The following FOXP1 variants were observed in gnomAD, a reference collection of about 807,000 sequenced individuals.
The protein encoded by FOXP1 is forkhead box protein P1.
A neutral mutation model predicts 98.2 loss-of-function variants in FOXP1; 15 were observed. The ratio of observed to expected loss-of-function variants is 0.15; its 90% CI spans 0.10 to 0.24. The LOEUF (loss-of-function observed/expected upper bound fraction) is 0.24, where lower values mean the gene tolerates loss of function less well. Ranked by LOEUF, FOXP1 falls within the 10% of genes least tolerant of loss-of-function variation. FOXP1 has a pLI of 1.00. For synonymous variants in FOXP1, 371 were observed against 314.5 expected (o/e 1.18, Z -1.90); for missense variants, 633 against 848.5 (o/e 0.75, Z 3.15).
chr3:71,405,931 T>C (rs182265477), intron 3 of FOXP1, among the ~76,000 whole-genome samples: 1 of 151,938 alleles, frequency 6.6e-6, no homozygotes, highest in Non-Finnish European at 1.5e-5. Flanking sequence ...GGTTTCACCA[T>C]GTTGGGCAGG....
At chr3:71,332,101 A>G (rs2076359169) in intron 4 of FOXP1, 1 of 152,238 alleles carries the variant, frequency 6.6e-6, no homozygotes, top group Non-Finnish European at 1.5e-5. Flanking sequence ...CCCCTTCCAT[A>G]CTGTGGAAGC....
At chr3:71,427,399 T>A (rs2084260423) in intron 3 of FOXP1, among the ~76,000 whole-genome samples, 1 of 152,190 alleles carries the variant, frequency 6.6e-6, no homozygotes, top group African/African-American at 2.4e-5. Flanking sequence ...AGGGTCTGGC[T>A]GCAGCGAAGG....
intron 5 of FOXP1, among the ~76,000 whole-genome samples, chr3:71,272,896 G>C (rs1286780665): frequency 6.6e-6 from 1 of 152,082 alleles, no homozygotes; most frequent in Non-Finnish European, 1.5e-5. Context: ...TCTGGACCTG[G>C]AGGCAACCAT....
chr3:70,983,435 C>A (rs78200137), intron 14 of FOXP1, among the ~76,000 whole-genome samples: 3 of 152,064 alleles, frequency 2.0e-5, no homozygotes, highest in Non-Finnish European at 4.4e-5. Flanking sequence ...GTTAAAAGAC[C>A]CTTTCTTTTC....
chr3:71,054,703 C>T (rs1183106854), intron 7 of FOXP1, among the ~76,000 whole-genome samples: 6 of 151,948 alleles, frequency 3.9e-5, no homozygotes, highest in Non-Finnish European at 7.4e-5. Flanking sequence ...TGTCAGTCCC[C>T]GTAATGCAAG....
chr3:71,286,409 T>A (rs1259571042), intron 5 of FOXP1, among the ~76,000 whole-genome samples: 2 of 147,958 alleles, frequency 1.4e-5, no homozygotes, highest in African/African-American at 2.5e-5. Context: ...AGTAACTATA[T>A]CACTGAGGTA....
chr3:71,416,547 AAC>A (rs55710900), intron 3 of FOXP1, among the ~76,000 whole-genome samples: 7,358 of 136,686 alleles, frequency 0.054, 198 homozygotes, highest in African/African-American at 0.082. Flanking sequence ...TCTGTCTCAA[AAC>A]ACACACACAC....
intron 20 of FOXP1, among the ~76,000 whole-genome samples, chr3:70,963,034 G>C (rs1191256088): frequency 6.6e-6 from 1 of 152,154 alleles, no homozygotes; most frequent in Non-Finnish European, 1.5e-5. Flanking sequence ...AAAATATGTA[G>C]TTACGAGGTA....
chr3:71,257,105 T>C (rs2068690200), intron 5 of FOXP1, among the ~76,000 whole-genome samples: 1 of 152,216 alleles, frequency 6.6e-6, no homozygotes, highest in Non-Finnish European at 1.5e-5. Flanking sequence ...AAGCTGAGTT[T>C]ATTGAACTCT....
intron 4 of FOXP1, among the ~76,000 whole-genome samples, chr3:71,353,881 GA>G (rs1176132558): frequency 6.6e-6 from 1 of 152,164 alleles, no homozygotes; most frequent in East Asian, 1.9e-4. Flanking sequence ...GCAGGTGGAA[GA>G]AATTGGTGTT....
At chr3:71,212,525 T>G (rs555172071) in intron 5 of FOXP1, among the ~76,000 whole-genome samples, 1 of 152,300 alleles carries the variant, frequency 6.6e-6, no homozygotes, top group South Asian at 2.1e-4. Context: ...TAAAAACCAG[T>G]AGCTCCAACA....
chr3:71,018,161 C>G (rs192682035), intron 11 of FOXP1, among the ~76,000 whole-genome samples: 128 of 152,190 alleles, frequency 8.4e-4, no homozygotes, highest in African/African-American at 3.0e-3. Context: ...TTTGCTGTTC[C>G]CCTTCCTGTT....
intron 2 of FOXP1, among the ~76,000 whole-genome samples, chr3:71,532,943 A>G (rs1252844103): frequency 6.6e-6 from 1 of 152,220 alleles, no homozygotes; most frequent in Non-Finnish European, 1.5e-5. Context: ...GGAAATAAAC[A>G]TGAGTCATAT....
At chr3:71,535,933 A>G (rs561488636) in intron 2 of FOXP1, among the ~76,000 whole-genome samples, 1 of 152,328 alleles carries the variant, frequency 6.6e-6, no homozygotes. Context: ...GCTCCTAACA[A>G]GAACACTAAG....
chr3:70,988,198 T>C (rs919703916), intron 13 of FOXP1, 121 bp from the exon 14 acceptor site: 61 of 940,618 alleles, frequency 6.5e-5, no homozygotes, highest in Non-Finnish European at 9.5e-5. Flanking sequence ...ATCATTTTCA[T>C]TGCTTGTTTT....
At chr3:70,973,924 A>G (rs902624106) in intron 17 of FOXP1, among the ~76,000 whole-genome samples, 1 of 143,418 alleles carries the variant, frequency 7.0e-6, no homozygotes, top group African/African-American at 2.6e-5. Flanking sequence ...GAATCTTGAT[A>G]CTCTGAGAGG....
chr3:71,503,337 A>C (rs999426621), intron 2 of FOXP1, among the ~76,000 whole-genome samples: 1 of 152,176 alleles, frequency 6.6e-6, no homozygotes, highest in Non-Finnish European at 1.5e-5. Context: ...TTACTTGCTA[A>C]AATAAATAAA....
chr3:71,470,195 T>C (rs1353182460), intron 3 of FOXP1, among the ~76,000 whole-genome samples: 2 of 152,218 alleles, frequency 1.3e-5, no homozygotes, highest in Non-Finnish European at 2.9e-5. Flanking sequence ...ATTCTAGCTG[T>C]GTGACCGTGG....
intron 13 of FOXP1, among the ~76,000 whole-genome samples, chr3:70,996,646 A>C (rs1238435814): frequency 6.6e-6 from 1 of 152,162 alleles, no homozygotes; most frequent in Non-Finnish European, 1.5e-5. Flanking sequence ...CACAGCACTT[A>C]AGTGACCTTC....
Sources: allele counts gnomAD v4.1 joint callset (sites outside exome capture counted in the v4.1 genomes callset), GRCh38; gene constraint gnomAD v4.1.1; transcripts MANE v1.5; gene names NCBI Gene and HGNC (gene_info 2026-07-23, HGNC 2026-07-21).